CSE1L: variants seen among roughly 807,000 people sequenced by gnomAD.
The protein encoded by CSE1L is exportin-2.
In CSE1L, 24 loss-of-function variants were observed where a neutral mutation model predicts 120.4. That is an observed-to-expected ratio of 0.20 (90% CI 0.14 to 0.28). The LOEUF (loss-of-function observed/expected upper bound fraction) is 0.28. CSE1L is among the 10% of genes least tolerant of loss of function. The pLI, the probability that CSE1L is intolerant of heterozygous loss-of-function variation, is 1.00. For synonymous variants in CSE1L, 402 were observed against 398.3 expected, an observed-to-expected ratio of 1.01 and a Z score of -0.11; for missense variants, 830 against 1,145.2, an observed-to-expected ratio of 0.72 and a Z score of 3.97.
intron 1 of CSE1L, among the ~76,000 whole-genome samples, chr20:49,056,096 G>T (rs555741654): frequency 6.6e-6 from 1 of 151,422 alleles, no homozygotes; most frequent in African/African-American, 2.4e-5. Context: ...AGCATAAGTG[G>T]AGTTTTCTAA....
intron 8 of CSE1L, 35 bp downstream of exon 8, chr20:49,070,332 TC>T (rs750499082): frequency 2.7e-5 from 27 of 1,012,550 alleles, no homozygotes; most frequent in Non-Finnish European, 1.5e-6. Flanking sequence ...GTGGTCTTTT[TC>T]TTTCATTAAG....
In CSE1L at chr20:49,085,290, G is replaced by A; in HGVS notation, c.1627G>A (p.Ala543Thr). Residue 543 changes from alanine (A) to threonine (T), a missense_variant, in exon 16 of 25, where the codon GCT becomes ACT. By Grantham distance (58) the Ala-to-Thr change is moderately conservative (BLOSUM62 0). Coordinates refer to ENST00000262982, the MANE Select transcript of CSE1L (RefSeq NM_001316.4). The part of the protein sequence containing the change: ...RGPNNATLFT[A>T]AEIAPFVEIL... Reference sequence around the variant, plus strand: ...CTGTTTTTTCATCTATAGCTTTACAGCTGCAGAAATCGCACCGTTTGTTGA... The same window carrying A: ...CTGTTTTTTCATCTATAGCTTTACAACTGCAGAAATCGCACCGTTTGTTGA... The A allele has an allele frequency of 6.2e-7, 1 of 1,613,742 alleles. No homozygotes were observed. Among genetic ancestry groups the A allele is most frequent in the Non-Finnish European group, 8.5e-7 (1 of 1,179,744 alleles).
chr20:49,058,733 T>C (rs1196271777), intron 2 of CSE1L, among the ~76,000 whole-genome samples, 185 bp downstream of exon 2: 2 of 152,196 alleles, frequency 1.3e-5, no homozygotes, highest in African/African-American at 4.8e-5. Context: ...AAATAGCTTT[T>C]ATTTGGCATC....
chr20:49,089,047 CTG>C (rs1282961325), intron 17 of CSE1L, among the ~76,000 whole-genome samples, 198 bp from the exon 18 acceptor site: 4 of 151,906 alleles, frequency 2.6e-5, no homozygotes, highest in East Asian at 3.9e-4. Flanking sequence ...ATAAGCAACT[CTG>C]TAACTCTGAA....
At chr20:49,091,055 T>C in intron 21 of CSE1L, 33 bp downstream of exon 21, 1 of 1,364,026 alleles carries the variant, frequency 7.3e-7, no homozygotes, top group Admixed American at 1.8e-5. Flanking sequence ...TCTACAGAAG[T>C]AATGAAAGAA....
chr20:49,047,545 TC>T (rs2091725391), intron 1 of CSE1L, among the ~76,000 whole-genome samples: 1 of 147,994 alleles, frequency 6.8e-6, no homozygotes, highest in Non-Finnish European at 1.5e-5. Context: ...GTTTTCTTTT[TC>T]TTTTTCTTTT....
chr20:49,092,461 A>ATCTAC (rs2092109004), intron 22 of CSE1L, among the ~76,000 whole-genome samples: 1 of 151,888 alleles, frequency 6.6e-6, no homozygotes, highest in African/African-American at 2.4e-5. Flanking sequence ...TTAGAGGACC[A>ATCTAC]TCTACTCTAC....
chr20:49,089,105 A>G (rs1047906619), intron 17 of CSE1L, 142 bp from the exon 18 acceptor site: 3 of 694,308 alleles, frequency 4.3e-6, no homozygotes, highest in African/African-American at 3.7e-5. Flanking sequence ...AAAAAATTCA[A>G]ATGAACAAGC....
chr20:49,078,269 A>G (rs1378830571), intron 13 of CSE1L, among the ~76,000 whole-genome samples: 1 of 152,200 alleles, frequency 6.6e-6, no homozygotes, highest in Non-Finnish European at 1.5e-5. Flanking sequence ...TTTCTAATTC[A>G]GAATAGCTTC....
rs59986218 is a variant in CSE1L, at chr20:49,047,564, C to CTTTT, written c.-12+1166_-12+1169dup. On this transcript the variant is annotated intron_variant, in intron 1 of 24. Transcript: ENST00000262982. ...TCTTTTTCTTTTTCTTTTCTCTTTT[C>CTTTT]TTTTTTTTTTTTTTTTTTTTTTTTT... Among the ~76,000 whole-genome samples the CTTTT allele has an allele frequency of 8.8e-3, 612 of 69,790 alleles. 100 individuals are homozygous for CTTTT. Among genetic ancestry groups the CTTTT allele is most frequent in the Non-Finnish European group, 0.013 (491 of 38,448 alleles). 45.8% of individuals were successfully genotyped at this position (69,790 alleles called of 152,430 possible).
At chr20:49,086,795 G>A (rs1279204796) in intron 16 of CSE1L, among the ~76,000 whole-genome samples, 7 of 152,126 alleles carry the variant, frequency 4.6e-5, no homozygotes, top group South Asian at 2.1e-4. Flanking sequence ...ATAATTCTGC[G>A]CCAGCCTAGT....
chr20:49,078,481 A>G (rs1474627367), intron 13 of CSE1L, 80 bp from the exon 14 acceptor site: 5 of 903,290 alleles, frequency 5.5e-6, no homozygotes, highest in African/African-American at 3.5e-5. Flanking sequence ...ATCTTTTTTT[A>G]TAACTCTGAT....
intron 14 of CSE1L, among the ~76,000 whole-genome samples, chr20:49,079,954 A>AAT (rs772602356): frequency 6.6e-6 from 1 of 152,098 alleles, no homozygotes; most frequent in African/African-American, 2.4e-5. Flanking sequence ...CATGCCTATA[A>AAT]TCCCATCTAC....
At chr20:49,095,171 T>A in intron 24 of CSE1L, 1 of 675,566 alleles carries the variant, frequency 1.5e-6, no homozygotes, top group Middle Eastern at 2.4e-4. Context: ...AGTGAATGGA[T>A]TTAGGAGTGA....
At chr20:49,067,368 C>T in intron 6 of CSE1L, 88 bp downstream of exon 6, 2 of 838,710 alleles carry the variant, frequency 2.4e-6, no homozygotes, top group Non-Finnish European at 3.7e-6. Context: ...GCTTTGAAAG[C>T]TTATTTGATA....
At chr20:49,090,523 TCTAG>T (rs1196823337) in intron 19 of CSE1L, among the ~76,000 whole-genome samples, 1 of 151,992 alleles carries the variant, frequency 6.6e-6, no homozygotes, top group African/African-American at 2.4e-5. Flanking sequence ...CCCATTGCAC[TCTAG>T]CCTGGGCAAC....
rs11439721 is a variant in CSE1L, at chr20:49,077,153, C to CTTTTTTTTT, written c.1420+100_1420+108dup. ...CTTCCTATCCTTGTTCCCTTTTGTT[C>CTTTTTTTTT]TTTTTTTTTTTTTTTTTTTCTTTTG... On this transcript the variant is annotated intron_variant, in intron 13 of 24. Coordinates refer to ENST00000262982, the MANE Select transcript of CSE1L (RefSeq NM_001316.4). The CTTTTTTTTT allele has an allele frequency of 4.5e-3, 1,824 of 402,242 alleles. 17 individuals carry two copies. Among genetic ancestry groups the CTTTTTTTTT allele is most frequent in the African/African-American group, 0.014 (546 of 38,452 alleles). The allele number at this position is 402,242 out of a possible 1,614,324, so 24.9% of individuals were successfully genotyped here.
At chr20:49,046,662 G>T (rs1202828170) in intron 1 of CSE1L, among the ~76,000 whole-genome samples, 1 of 152,256 alleles carries the variant, frequency 6.6e-6, no homozygotes, top group African/African-American at 2.4e-5. Flanking sequence ...CGACCCCAGG[G>T]CCTGTGAGGG....
At position 49,094,716 on chromosome 20, in the gene CSE1L, C is replaced by A. The variant is rs1166107518; in HGVS notation, c.2595-16C>A. On this transcript the variant is annotated splice_polypyrimidine_tract_variant and intron_variant, in intron 23 of 24. Coordinates refer to ENST00000262982, the MANE Select transcript of CSE1L (RefSeq NM_001316.4). ...ATTTTCTTGACCTTTTTATCTCTTG[C>A]TTTCTTCCAATCCAGGACTCCATTA... 6.4e-7 allele frequency: 1 copy of A among 1,567,366 alleles called. No individual in the cohort carries two copies.
Sources: gnomAD v4.1 joint callset for allele counts (sites outside exome capture counted in the v4.1 genomes callset) on GRCh38, gnomAD v4.1.1 for gene constraint, MANE v1.5 for transcripts, NCBI Gene and HGNC (gene_info 2026-07-23, HGNC 2026-07-21) for gene names.